DMRTC2: variants seen among roughly 807,000 people sequenced by gnomAD.
DMRTC2 encodes the protein doublesex- and mab-3-related transcription factor C2.
DMRTC2 carries 13 observed loss-of-function variants against 39.9 expected under a neutral mutation model. The ratio of observed to expected loss-of-function variants is 0.33; its 90% CI spans 0.21 to 0.52. DMRTC2 has a LOEUF of 0.52. DMRTC2 is among the 20% of genes least tolerant of loss of function. The probability of loss-of-function intolerance (pLI) is 0.96; values close to 1 mark genes in which losing one functional copy is unlikely to be tolerated. For missense variants in DMRTC2, 431 were observed against 472.8 expected (o/e 0.91, Z 0.82); for synonymous variants, 189 against 185.2 (o/e 1.02, Z -0.17).
In DMRTC2 at chr19:41,851,607, C is replaced by G. The variant is rs782274507; in HGVS notation, c.1015C>G (p.Gln339Glu). The G allele has an allele frequency of 3.1e-6, 5 of 1,614,190 alleles. No homozygotes were observed. Among genetic ancestry groups the G allele is most frequent in the Non-Finnish European group, 4.2e-6 (5 of 1,180,032 alleles). Residue 339 changes from glutamine (Q) to glutamate (E), a missense_variant, in exon 9 of 9, where the codon CAG (glutamine) becomes GAG (glutamate). Transcript: ENST00000269945. ...PPAPAGGRGF[Q>E]PVGPCLRPSP... ...AGCTCCTGCTGGAGGAAGAGGATTCCAGCCTGTTGGCCCCTGTCTTCGACC... is the reference window on the plus strand; with the variant it reads ...AGCTCCTGCTGGAGGAAGAGGATTCGAGCCTGTTGGCCCCTGTCTTCGACC...
chr19:41,847,813 G>A lies in DMRTC2; in HGVS notation c.302G>A (p.Arg101Lys), dbSNP rs368285761. 3 of 1,605,380 alleles carry A rather than the reference G, an allele frequency of 1.9e-6. No homozygotes were observed. In the African/African-American group the frequency reaches 4.0e-5, roughly 21 times the overall value. ...GCGCAGCTAAAGAAGCACCTGATGA[G>A]GAGAGGGGAAGCCTCTCCCAAAGCT... ...QEAQLKKHLMRRGEASPKAPN... is the reference protein window; with the variant it reads ...QEAQLKKHLMKRGEASPKAPN... The change falls in exon 3 of 9, where the codon AGG becomes AAG. Residue 101 changes from arginine to lysine, a missense_variant. Arg to Lys is a conservative substitution (Grantham distance 26, BLOSUM62 2). Coordinates refer to ENST00000269945, the MANE Select transcript of DMRTC2 (RefSeq NM_001040283.3).
chr19:41,845,432 A>G (rs1168077830), intron 1 of DMRTC2: 3 of 152,326 alleles, frequency 2.0e-5, no homozygotes, highest in Admixed American at 2.0e-4. Context: ...TTAGTGCCCC[A>G]AGGAGAAGGT....
rs199533075 is a variant in DMRTC2, at chr19:41,847,880, C to T, written c.369C>T (p.Pro123=). Residue 123 remains proline, a splice_region_variant and synonymous_variant, in exon 3 of 9, where the codon CCC becomes CCT. Coordinates refer to ENST00000269945, the MANE Select transcript of DMRTC2 (RefSeq NM_001040283.3). ...FRKGTTQPQV[P]SGKENIAPQP... ...AGGGAACCACTCAGCCACAGGTCCC[C>T]TGTGAGTGTCTCTGACCAGCGATGG... The T allele has an allele frequency of 2.4e-5, 38 of 1,579,302 alleles. No homozygotes were observed. Among genetic ancestry groups the T allele is most frequent in the Non-Finnish European group, 3.2e-5 (37 of 1,161,932 alleles).
At position 41,847,870 on chromosome 19, in the gene DMRTC2, C is replaced by A; in HGVS notation, c.359C>A (p.Pro120Gln). Reference protein sequence around the residue: ...PNHFRKGTTQPQVPSGKENIA... With the variant: ...PNHFRKGTTQQQVPSGKENIA... ...CACTTCAGAAAGGGAACCACTCAGCCACAGGTCCCCTGTGAGTGTCTCTGA... is the reference window on the plus strand; with the variant it reads ...CACTTCAGAAAGGGAACCACTCAGCAACAGGTCCCCTGTGAGTGTCTCTGA... Residue 120 changes from proline to glutamine, a missense_variant, in exon 3 of 9, where the codon CCA becomes CAA. Transcript: ENST00000269945. The A allele has an allele frequency of 6.3e-7, 1 of 1,583,694 alleles. No homozygotes were observed. Among genetic ancestry groups the A allele is most frequent in the East Asian group, 2.3e-5 (1 of 43,250 alleles).
At chr19:41,848,367 TG>T in intron 3 of DMRTC2, 84 bp from the exon 4 acceptor site, 2 of 1,158,386 alleles carry the variant, frequency 1.7e-6, no homozygotes, top group South Asian at 1.5e-5. Flanking sequence ...ATGAGCTAGA[TG>T]GGGGAGATGA....
chr19:41,850,333 G>T lies in DMRTC2; in HGVS notation c.777G>T (p.Gln259His). 1 of 1,510,338 alleles carries T rather than the reference G, an allele frequency of 6.6e-7. No homozygotes were observed. The highest frequency in any genetic ancestry group is 1.4e-5 in the South Asian group (1 of 73,822). 93.6% of individuals were successfully genotyped at this position (1,510,338 alleles called of 1,614,324 possible). A position where few individuals can be genotyped will look rare whatever the true frequency, so the allele number is the denominator to read the frequency against. ...CTAGACACTCAACTCTGATACTCCAGCCCTGTGGCACCCCAGACCCTCTTC... is the reference window on the plus strand; with the variant it reads ...CTAGACACTCAACTCTGATACTCCATCCCTGTGGCACCCCAGACCCTCTTC... ...QPRTHSTLILQPCGTPDPLQL... is the reference protein window; with the variant it reads ...QPRTHSTLILHPCGTPDPLQL... Residue 259 changes from glutamine to histidine, a missense_variant, in exon 7 of 9, where the codon CAG (glutamine) becomes CAT (histidine). Physicochemically the swap from Gln to His is conservative, Grantham distance 24. Transcript: ENST00000269945.
At position 41,850,627 on chromosome 19, in the gene DMRTC2, G is replaced by A; in HGVS notation, c.918G>A (p.Gln306=). ...TCGTGGGGCTGAAAGATTCATCCCA[G>A]GCTCCTCGTGTGACCCCTTCTGTGC... is the stretch of plus-strand genomic sequence containing the variant. ...EALVGLKDSS[Q]APRVTPSVPP... is the part of the protein sequence containing the mutation. Residue 306 remains glutamine, a synonymous_variant, in exon 8 of 9, where the codon CAG becomes CAA. Coordinates refer to ENST00000269945, the MANE Select transcript of DMRTC2 (RefSeq NM_001040283.3). 1 of 1,613,634 alleles carries A rather than the reference G, an allele frequency of 6.2e-7. No homozygotes were observed. Among genetic ancestry groups the A allele is most frequent in the South Asian group, 1.1e-5 (1 of 91,016 alleles).
intron 3 of DMRTC2, 62 bp from the exon 4 acceptor site, chr19:41,848,390 G>A: frequency 7.1e-7 from 1 of 1,406,938 alleles, no homozygotes; most frequent in South Asian, 1.3e-5. Context: ...AACTGTCTGG[G>A]GTTGGGGTAG....
At chr19:41,846,992 A>G (rs1285536136) in intron 1 of DMRTC2, among the ~76,000 whole-genome samples, 1 of 151,940 alleles carries the variant, frequency 6.6e-6, no homozygotes, top group Non-Finnish European at 1.5e-5. Context: ...CCTGGCCAAC[A>G]TGGTGAAACA....
rs1254290400 is a variant in DMRTC2 at position 41,850,678 on chromosome 19, G to C, written c.969G>C (p.Leu323=). 8 of 1,592,312 alleles carry C rather than the reference G, an allele frequency of 5.0e-6. No individual in the cohort carries two copies. Among genetic ancestry groups the C allele is most frequent in the Non-Finnish European group, 6.8e-6 (8 of 1,170,532 alleles). ...CCCCCAACCCTGCCTGGATCTCCCT[G>C]CTTCACCCCTGTGGCCCACCAGGTG... ...SVPPNPAWIS[L]LHPCGPPAPA... The change falls in exon 8 of 9, where the codon CTG becomes CTC. Residue 323 remains leucine (L), a synonymous_variant. Transcript: ENST00000269945.
chr19:41,850,408 G>A, intron 7 of DMRTC2, 36 bp downstream of exon 7: 1 of 1,565,642 alleles, frequency 6.4e-7, no homozygotes, highest in Non-Finnish European at 8.7e-7. Context: ...GGCCCTGGGA[G>A]GAGGTTGAGC....
intron 8 of DMRTC2, 29 bp downstream of exon 8, chr19:41,850,729 G>T (rs782088953): frequency 2.6e-6 from 4 of 1,528,116 alleles, no homozygotes; most frequent in African/African-American, 2.8e-5. Context: ...GGATGGATAG[G>T]GATGGCTGGG....
intron 8 of DMRTC2, chr19:41,850,956 A>G (rs2073946975): frequency 2.4e-6 from 1 of 422,198 alleles, no homozygotes; most frequent in Non-Finnish European, 4.2e-6. Context: ...GACTTGCCCA[A>G]GGGCATATAG....
At chr19:41,849,786 A>G (rs1328589511) in intron 6 of DMRTC2, among the ~76,000 whole-genome samples, 1 of 152,142 alleles carries the variant, frequency 6.6e-6, no homozygotes, top group African/African-American at 2.4e-5. Flanking sequence ...GTTTTTTTAA[A>G]AACCGGCATC....
chr19:41,847,947 G>T, intron 3 of DMRTC2, 66 bp downstream of exon 3: 1 of 1,512,618 alleles, frequency 6.6e-7, no homozygotes, highest in Middle Eastern at 1.7e-4. Flanking sequence ...GGAAAAAGAG[G>T]CCCAGTCCTG....
Position 41,851,589 on chromosome 19 carries a change from G to A in DMRTC2, c.997G>A (p.Ala333Thr), listed in dbSNP as rs1555837377. The A allele has an allele frequency of 7.4e-6, 12 of 1,614,088 alleles. No homozygotes were observed. Among genetic ancestry groups the A allele is most frequent in the South Asian group, 1.1e-5 (1 of 91,070 alleles). The change falls in exon 9 of 9, where the codon GCT (alanine) becomes ACT (threonine). Residue 333 changes from alanine (A) to threonine (T), a missense_variant. By Grantham distance (58) the Ala-to-Thr change is moderately conservative. Coordinates refer to ENST00000269945, the MANE Select transcript of DMRTC2 (RefSeq NM_001040283.3). Reference protein sequence around the residue: ...LLHPCGPPAPAGGRGFQPVGP... With the variant: ...LLHPCGPPAPTGGRGFQPVGP... ...CCCTTCCTTCTTGCCTGTAGCTCCT[G>A]CTGGAGGAAGAGGATTCCAGCCTGT...
rs1341343970 is a variant in DMRTC2, at chr19:41,852,309, A to T, written c.*613A>T. 5.3e-5 allele frequency: 8 copies of T among 151,208 alleles called. No individual in the cohort carries two copies. Among genetic ancestry groups the T allele is most frequent in the African/African-American group, 1.7e-4 (7 of 40,860 alleles). 9.4% of individuals were successfully genotyped at this position (151,208 alleles called of 1,614,324 possible). ...CTTGGATTTTTTTCTTTGTCCAAAT[A>T]AAAAAAAATGATGTAAAGAAATAAT... On this transcript the variant is annotated 3_prime_UTR_variant, in exon 9 of 9. Transcript: ENST00000269945.
intron 4 of DMRTC2, 41 bp from the exon 5 acceptor site, chr19:41,848,754 G>T: frequency 1.2e-6 from 2 of 1,606,242 alleles, no homozygotes; most frequent in Non-Finnish European, 1.7e-6. Flanking sequence ...TCCTTTTCCA[G>T]CCTTGTACCC....
intron 3 of DMRTC2, 28 bp from the exon 4 acceptor site, chr19:41,848,424 C>T: frequency 6.3e-7 from 1 of 1,579,048 alleles, no homozygotes; most frequent in Non-Finnish European, 8.6e-7. Context: ...AGAAAGGGCT[C>T]ATTAGAGCTC....
Sources: allele counts gnomAD v4.1 joint callset (sites outside exome capture counted in the v4.1 genomes callset), GRCh38; gene constraint gnomAD v4.1.1; transcripts MANE v1.5; gene names NCBI Gene and HGNC (gene_info 2026-07-23, HGNC 2026-07-21).